Variants in ALMS1 observed in about 807,000 individuals in gnomAD.
The protein encoded by ALMS1 is ALMS1 centrosome and basal body associated protein.
ALMS1 carries 271 observed loss-of-function variants against 352.2 expected under a neutral mutation model. That is an observed-to-expected ratio of 0.77 (90% CI 0.70 to 0.85). ALMS1 has a LOEUF of 0.85. Among genes scored for constraint, ALMS1 ranks in the 40% least tolerant of loss-of-function variants. The pLI is 0.00. For missense variants in ALMS1, 5,445 were observed against 4,870.7 expected (o/e 1.12, Z -3.51); for synonymous variants, 1,865 against 1,761.2 (o/e 1.06, Z -1.48).
At chr2:73,543,370 A>G (rs969629194) in intron 12 of ALMS1, among the ~76,000 whole-genome samples, 1 of 152,196 alleles carries the variant, frequency 6.6e-6, no homozygotes, top group Admixed American at 6.5e-5. Context: ...TTAATTCAAG[A>G]TGGATTAAAG....
intron 16 of ALMS1, among the ~76,000 whole-genome samples, chr2:73,598,168 T>TC (rs1489068132): frequency 1.3e-5 from 2 of 152,206 alleles, no homozygotes; most frequent in Admixed American, 6.5e-5. Context: ...CCCATATAAC[T>TC]CCATCTTGCC....
intron 19 of ALMS1, 92 bp from the exon 20 acceptor site, chr2:73,602,093 C>A: frequency 2.3e-6 from 3 of 1,331,174 alleles, no homozygotes; most frequent in Non-Finnish European, 3.2e-6. Context: ...TTCCCCAAAC[C>A]TCTTGGGCAG....
intron 15 of ALMS1, among the ~76,000 whole-genome samples, chr2:73,566,065 G>A (rs1478541576): frequency 6.6e-6 from 1 of 152,114 alleles, no homozygotes; most frequent in Non-Finnish European, 1.5e-5. Context: ...TTAATGTAAG[G>A]TGTTAATAGG....
intron 1 of ALMS1, among the ~76,000 whole-genome samples, chr2:73,390,871 A>G (rs1044191347): frequency 6.6e-6 from 1 of 151,842 alleles, no homozygotes; most frequent in African/African-American, 2.4e-5. Flanking sequence ...CCCGGGTTCA[A>G]GTGATTCTCC....
rs1180431442 is a variant in ALMS1 at position 73,449,900 on chromosome 2, G to T, written c.3373G>T (p.Val1125Leu). The change falls in exon 8 of 23, where the codon GTA (valine) becomes TTA (leucine). Residue 1125 changes from valine to leucine, a missense_variant. By Grantham distance (32) the Val-to-Leu change is conservative. Transcript: ENST00000613296. ...HLPKEALKIS[V>L]APGLADQKTG... is the part of the protein sequence containing the mutation. ...GCCTAAAGAGGCTCTGAAAATTTCA[G>T]TAGCTCCTGGACTAGCAGACCAGAA... 7.4e-6 allele frequency: 12 copies of T among 1,613,584 alleles called. No individual in the cohort carries two copies. The highest frequency in any genetic ancestry group is 1.3e-5 in the African/African-American group (1 of 74,736).
intron 2 of ALMS1, among the ~76,000 whole-genome samples, chr2:73,415,452 G>A (rs1159793652): frequency 6.6e-6 from 1 of 152,142 alleles, no homozygotes; most frequent in East Asian, 1.9e-4. Flanking sequence ...CCTTTGAGAG[G>A]CAGAGTGACT....
At chr2:73,521,736 C>A (rs527989896) in intron 11 of ALMS1, among the ~76,000 whole-genome samples, 1 of 151,754 alleles carries the variant, frequency 6.6e-6, no homozygotes, top group Non-Finnish European at 1.5e-5. Context: ...GGCGACACAG[C>A]GAGACTCCGT....
At position 73,452,478 on chromosome 2, in the gene ALMS1, T is replaced by G; in HGVS notation, c.5951T>G (p.Leu1984Arg). The G allele has an allele frequency of 6.2e-7, 1 of 1,614,084 alleles. No homozygotes were observed. The highest frequency in any genetic ancestry group is 8.5e-7 in the Non-Finnish European group (1 of 1,179,994). The change falls in exon 8 of 23, where the codon CTG (leucine) becomes CGG (arginine). Residue 1984 changes from leucine to arginine, a missense_variant. Transcript: ENST00000613296. ...AEQKTGIPIG[L>R]SSSYSHSHKE... ...CAGAAGACTGGGATACCAATAGGAC[T>G]GTCTAGTTCCTACTCACATTCACAT...
At chr2:73,456,337 A>G (rs929587385) in intron 9 of ALMS1, among the ~76,000 whole-genome samples, 1 of 152,124 alleles carries the variant, frequency 6.6e-6, no homozygotes, top group African/African-American at 2.4e-5. Flanking sequence ...TTTGTTCCTT[A>G]TTACTGTACA....
At chr2:73,447,843 T>G in intron 7 of ALMS1, 117 bp from the exon 8 acceptor site, 1 of 1,315,104 alleles carries the variant, frequency 7.6e-7, no homozygotes, top group Non-Finnish European at 1.0e-6. Flanking sequence ...TTGATGGCTG[T>G]TTCCTTAGGA....
intron 16 of ALMS1, 26 bp downstream of exon 16, chr2:73,573,450 C>G (rs1674989257): frequency 6.2e-7 from 1 of 1,611,108 alleles, no homozygotes; most frequent in African/African-American, 1.3e-5. Context: ...TTCCATCTGG[C>G]AATGTGACTG....
intron 16 of ALMS1, among the ~76,000 whole-genome samples, chr2:73,575,791 T>C (rs1271365694): frequency 6.6e-6 from 1 of 152,156 alleles, no homozygotes; most frequent in African/African-American, 2.4e-5. Flanking sequence ...TCACAGTCAC[T>C]CTGCTGACCG....
chr2:73,473,533 AGT>A (rs1572955573), intron 9 of ALMS1, among the ~76,000 whole-genome samples: 1 of 152,104 alleles, frequency 6.6e-6, no homozygotes, highest in South Asian at 2.1e-4. Context: ...GAAGTAAAAA[AGT>A]GTGACTCATT....
chr2:73,446,056 T>C (rs1213689321), intron 7 of ALMS1, among the ~76,000 whole-genome samples: 1 of 152,194 alleles, frequency 6.6e-6, no homozygotes, highest in East Asian at 1.9e-4. Flanking sequence ...TTGACATATA[T>C]GTCCTTAACT....
rs141414350 is a variant in ALMS1 at position 73,579,575 on chromosome 2, G to T, written c.11547+6151G>T. Among the ~76,000 whole-genome samples, 8 of 152,240 alleles carry T rather than the reference G, an allele frequency of 5.3e-5. No individual in the cohort carries two copies. In the East Asian group the frequency reaches 1.2e-3, roughly 22 times the overall value. Reference sequence around the variant, plus strand: ...TGGTTTCACCGTGTTGGCCAGGCTGGTCTTGAACTCCTGACCTCAGGTGAG... The same window carrying T: ...TGGTTTCACCGTGTTGGCCAGGCTGTTCTTGAACTCCTGACCTCAGGTGAG... On this transcript the variant is annotated intron_variant, in intron 16 of 22. Coordinates refer to ENST00000613296, the MANE Select transcript of ALMS1 (RefSeq NM_001378454.1).
rs1464656695 is a variant in ALMS1 at position 73,426,546 on chromosome 2, A to C, written c.1331A>C (p.Gln444Pro). Reference protein sequence around the residue: ...VVCSERVAELQRKPTRESEYH... With the variant: ...VVCSERVAELPRKPTRESEYH... ...TGCAGTGAAAGAGTTGCTGAACTAC[A>C]AAGAAAGGTGAGACACAATAAAATG... Residue 444 changes from glutamine (Q) to proline (P), a missense_variant, in exon 6 of 23, where the codon CAA becomes CCA. By Grantham distance (76) the Gln-to-Pro change is moderately conservative. Transcript: ENST00000613296. 6.2e-7 allele frequency: 1 copy of C among 1,613,962 alleles called. No individual in the cohort carries two copies. The highest frequency in any genetic ancestry group is 8.5e-7 in the Non-Finnish European group (1 of 1,179,802).
intron 1 of ALMS1, among the ~76,000 whole-genome samples, chr2:73,386,660 C>T (rs6546828): frequency 0.011 from 1,714 of 152,112 alleles, 27 homozygotes; most frequent in African/African-American, 0.04. Context: ...TGGAGAGGCT[C>T]CCCGCGGGTT....
chr2:73,389,024 C>G (rs1367839113), intron 1 of ALMS1, among the ~76,000 whole-genome samples: 1 of 152,166 alleles, frequency 6.6e-6, no homozygotes, highest in African/African-American at 2.4e-5. Flanking sequence ...CTCCATACTG[C>G]TTTCCATAGG....
Position 73,455,246 on chromosome 2 carries a change from A to G in ALMS1, c.7625A>G (p.Glu2542Gly), listed in dbSNP as rs1402145390. The G allele has an allele frequency of 1.2e-6, 2 of 1,614,162 alleles. No homozygotes were observed. Among genetic ancestry groups the G allele is most frequent in the Non-Finnish European group, 1.7e-6 (2 of 1,180,006 alleles). The part of the protein sequence containing the change: ...LNEDDRRKVE[E>G]IKAELFGHGR... Reference sequence around the variant, plus strand: ...GAAGATGACAGGAGGAAAGTAGAAGAGATCAAGGCAGAGTTATTTGGTCAT... The same window carrying G: ...GAAGATGACAGGAGGAAAGTAGAAGGGATCAAGGCAGAGTTATTTGGTCAT... Residue 2542 changes from glutamate (E) to glycine (G), a missense_variant, in exon 9 of 23, where the codon GAG (glutamate) becomes GGG (glycine). Coordinates refer to ENST00000613296, the MANE Select transcript of ALMS1 (RefSeq NM_001378454.1).
Sources: gnomAD v4.1 joint callset for allele counts (sites outside exome capture counted in the v4.1 genomes callset) on GRCh38, gnomAD v4.1.1 for gene constraint, MANE v1.5 for transcripts, NCBI Gene and HGNC (gene_info 2026-07-23, HGNC 2026-07-21) for gene names.